The following PRORP variants were observed in gnomAD, a reference collection of about 807,000 sequenced individuals.
The protein encoded by PRORP is protein only RNase P catalytic subunit.
Under a neutral mutation model 59.4 loss-of-function variants are expected in PRORP, and 51 were observed. The ratio of observed to expected loss-of-function variants is 0.86; its 90% CI spans 0.69 to 1.08. The LOEUF is 1.08. Ranked by LOEUF, PRORP falls within the 50% of genes least tolerant of loss-of-function variation. The pLI is 0.00. For synonymous variants in PRORP, 231 were observed against 245.6 expected (o/e 0.94, Z 0.55); for missense variants, 646 against 690.3 (o/e 0.94, Z 0.72).
chr14:35,204,047 A>G (rs1160514783), intron 5 of PRORP, among the ~76,000 whole-genome samples: 3 of 152,214 alleles, frequency 2.0e-5, no homozygotes, highest in African/African-American at 4.8e-5. Flanking sequence ...TGTATTTCAC[A>G]TATGGTATCT....
chr14:35,233,710 CTTTT>C (rs911881646), intron 5 of PRORP, among the ~76,000 whole-genome samples: 1 of 150,792 alleles, frequency 6.6e-6, no homozygotes, highest in African/African-American at 2.4e-5. Context: ...TTTTCGTTTC[CTTTT>C]TTTTTCCCTG....
At chr14:35,182,191 G>A (rs12431902) in intron 5 of PRORP, among the ~76,000 whole-genome samples, 28,047 of 152,006 alleles carry the variant, frequency 0.18, 2,849 homozygotes, top group Admixed American at 0.27. Flanking sequence ...ACTTGAACCC[G>A]GAAGGCGGTG....
At chr14:35,260,999 A>G (rs900213309) in intron 5 of PRORP, among the ~76,000 whole-genome samples, 1 of 152,226 alleles carries the variant, frequency 6.6e-6, no homozygotes, top group African/African-American at 2.4e-5. Flanking sequence ...TATTTGTTTT[A>G]TACATACACA....
rs1482262634 is a variant in PRORP, at chr14:35,198,112, T to G, written c.1275+17335T>G. Among the ~76,000 whole-genome samples the G allele has an allele frequency of 4.6e-5, 7 of 152,324 alleles. No individual in the cohort carries two copies. In the South Asian group the frequency reaches 1.4e-3, roughly 32 times the overall value. ...AGGGAGAAATCAGAGCTTTGGAGAA[T>G]GGGGAAATTTGAAGGAACACCCAAT... is the stretch of plus-strand genomic sequence containing the variant. On this transcript the variant is annotated intron_variant, in intron 5 of 7. Transcript: ENST00000534898.
chr14:35,187,733 T>C (rs2048774466), intron 5 of PRORP, among the ~76,000 whole-genome samples: 1 of 152,152 alleles, frequency 6.6e-6, no homozygotes, highest in South Asian at 2.1e-4. Flanking sequence ...CCTGGCCCAG[T>C]ATCTTGTAGT....
chr14:35,125,691 G>A (rs895202293), intron 2 of PRORP, among the ~76,000 whole-genome samples: 1 of 152,196 alleles, frequency 6.6e-6, no homozygotes, highest in African/African-American at 2.4e-5. Flanking sequence ...GAAAATCTTT[G>A]AATACCAAGG....
At chr14:35,161,555 CAGG>C (rs1181002083) in intron 4 of PRORP, among the ~76,000 whole-genome samples, 1 of 152,034 alleles carries the variant, frequency 6.6e-6, no homozygotes, top group Non-Finnish European at 1.5e-5. Flanking sequence ...TTGGGGTTTG[CAGG>C]ACTCAGGCTG....
chr14:35,181,991 T>C (rs1042212369), intron 5 of PRORP, among the ~76,000 whole-genome samples: 1 of 151,962 alleles, frequency 6.6e-6, no homozygotes, highest in Non-Finnish European at 1.5e-5. Flanking sequence ...AGGCCAGGCA[T>C]GGTGGGTCAC....
intron 5 of PRORP, among the ~76,000 whole-genome samples, chr14:35,232,527 C>A (rs2050108228): frequency 6.6e-6 from 1 of 152,134 alleles, no homozygotes; most frequent in Non-Finnish European, 1.5e-5. Flanking sequence ...ACATACTTAG[C>A]CTGCCAATTA....
chr14:35,191,497 T>G (rs1344717102), intron 5 of PRORP, among the ~76,000 whole-genome samples: 1 of 151,762 alleles, frequency 6.6e-6, no homozygotes, highest in Non-Finnish European at 1.5e-5. Context: ...AGCCCAGGAG[T>G]ACGAGACCAG....
intron 4 of PRORP, among the ~76,000 whole-genome samples, chr14:35,153,849 G>A (rs2047843391): frequency 6.6e-6 from 1 of 152,144 alleles, no homozygotes; most frequent in African/African-American, 2.4e-5. Flanking sequence ...AAATTTAAGA[G>A]GTCCTCACTC....
At chr14:35,188,111 C>T (rs2048787056) in intron 5 of PRORP, among the ~76,000 whole-genome samples, 1 of 151,062 alleles carries the variant, frequency 6.6e-6, no homozygotes. Context: ...GGCTTATGGG[C>T]ATGAGCTACC....
intron 4 of PRORP, chr14:35,158,174 C>T (rs2047966254): frequency 3.6e-6 from 1 of 277,342 alleles, no homozygotes; most frequent in Non-Finnish European, 7.2e-6. Context: ...CTACATGCTC[C>T]CTTCTTTCTT....
intron 5 of PRORP, among the ~76,000 whole-genome samples, chr14:35,190,140 T>TGTAA (rs1566487275): frequency 1.3e-5 from 2 of 151,372 alleles, no homozygotes; most frequent in African/African-American, 4.9e-5. Flanking sequence ...ATCTCATGCC[T>TGTAA]GTAATCCCAG....
chr14:35,256,387 A>G lies in PRORP; in HGVS notation c.1276-10340A>G, dbSNP rs572939091. On this transcript the variant is annotated intron_variant, in intron 5 of 7. Transcript: ENST00000534898. Reference sequence around the variant, plus strand: ...TGCTCTGTCGCCCAGGCTGGAGTTCAGTGGTGCAATCTCAGCTCACTGCAG... The same window carrying G: ...TGCTCTGTCGCCCAGGCTGGAGTTCGGTGGTGCAATCTCAGCTCACTGCAG... Among the ~76,000 whole-genome samples the G allele has an allele frequency of 2.3e-4, 25 of 110,482 alleles. No individual in the cohort carries two copies. In the South Asian group the frequency reaches 3.9e-3, roughly 17 times the overall value. 72.5% of individuals were successfully genotyped at this position (110,482 alleles called of 152,430 possible).
At chr14:35,235,399 A>G in intron 5 of PRORP, 1 of 695,376 alleles carries the variant, frequency 1.4e-6, no homozygotes, top group African/African-American at 1.7e-5. Context: ...TGTGGACTAG[A>G]TGTCCCAGTC....
chr14:35,252,258 C>A (rs1365623156), intron 5 of PRORP, among the ~76,000 whole-genome samples: 7 of 151,794 alleles, frequency 4.6e-5, no homozygotes, highest in Admixed American at 4.6e-4. Context: ...GACCCCATCT[C>A]TAAAAAAGAA....
chr14:35,263,106 A>G (rs2050946931), intron 5 of PRORP: 10 of 1,065,624 alleles, frequency 9.4e-6, no homozygotes, highest in African/African-American at 4.7e-5. Flanking sequence ...TGATGTTTAA[A>G]TGATGCAAAA....
chr14:35,180,099 C>T (rs1348235281), intron 4 of PRORP, among the ~76,000 whole-genome samples: 2 of 152,182 alleles, frequency 1.3e-5, no homozygotes, highest in South Asian at 4.1e-4. Context: ...CTAGAAGCTT[C>T]GTCTCAGGGG....
Sources: allele counts gnomAD v4.1 joint callset (sites outside exome capture counted in the v4.1 genomes callset), GRCh38; gene constraint gnomAD v4.1.1; transcripts MANE v1.5; gene names NCBI Gene and HGNC (gene_info 2026-07-23, HGNC 2026-07-21).